The following TAB2 variants were observed in gnomAD, a reference collection of about 807,000 sequenced individuals.
The protein encoded by TAB2 is TGF-beta activated kinase 1 (MAP3K7) binding protein 2.
Under a neutral mutation model 65.0 loss-of-function variants are expected in TAB2, and 3 were observed. The observed-to-expected ratio is 0.05, with a 90% CI of 0.02 to 0.12. TAB2 has a LOEUF of 0.12. Ranked by LOEUF, TAB2 falls within the 10% of genes least tolerant of loss-of-function variation. The pLI is 1.00. For missense variants in TAB2, 623 were observed against 840.3 expected (o/e 0.74, Z 3.20); for synonymous variants, 298 against 285.1 (o/e 1.05, Z -0.46).
intron 3 of TAB2, among the ~76,000 whole-genome samples, chr6:149,390,247 T>C (rs907692018): frequency 3.3e-5 from 5 of 152,210 alleles, no homozygotes; most frequent in African/African-American, 7.2e-5. Context: ...GACTTAAGTA[T>C]GACTTAGGCT....
chr6:149,351,812 G>A (rs965169510), intron 1 of TAB2, among the ~76,000 whole-genome samples: 8 of 152,208 alleles, frequency 5.3e-5, no homozygotes, highest in African/African-American at 7.2e-5. Context: ...TATCATAATT[G>A]TCTCATCTAG....
At position 149,292,280 on chromosome 6, in the gene TAB2, T is replaced by C. The variant is rs141913250; in HGVS notation, c.-121+73504T>C. ...TTAGTACATATTTTACAACAAAAACTGACTCCCCTCATTTTCCAGTGACTT... is the reference window on the plus strand; with the variant it reads ...TTAGTACATATTTTACAACAAAAACCGACTCCCCTCATTTTCCAGTGACTT... On this transcript the variant is annotated intron_variant, in intron 1 of 1. Coordinates refer to the TAB2 transcript ENST00000606202. Among the ~76,000 whole-genome samples the C allele has an allele frequency of 3.2e-3, 481 of 152,328 alleles. 1 individual carries two copies. The highest frequency in any genetic ancestry group is 0.011 in the African/African-American group (469 of 41,578).
chr6:149,321,180 AT>A (rs1779445361), intron 1 of TAB2: 1 of 152,212 alleles, frequency 6.6e-6, no homozygotes, highest in South Asian at 2.1e-4. Context: ...GACACTCTAT[AT>A]ATGTCATCTT....
intron 1 of TAB2, among the ~76,000 whole-genome samples, chr6:149,360,626 G>A (rs1022484577): frequency 4.6e-5 from 7 of 152,022 alleles, no homozygotes; most frequent in Admixed American, 1.3e-4. Flanking sequence ...ATATTATTCC[G>A]CCCCTGCCTC....
chr6:149,373,153 G>A (rs1327315753), intron 2 of TAB2, among the ~76,000 whole-genome samples: 1 of 152,156 alleles, frequency 6.6e-6, no homozygotes, highest in Non-Finnish European at 1.5e-5. Flanking sequence ...ACCAGCAGGT[G>A]TAATTTATAT....
chr6:149,285,319 A>G (rs1189652773), intron 1 of TAB2, among the ~76,000 whole-genome samples: 1 of 152,210 alleles, frequency 6.6e-6, no homozygotes, highest in Non-Finnish European at 1.5e-5. Context: ...GCTAGAAGGC[A>G]CCAAAGACAA....
chr6:149,388,897 G>T (rs1009397950), intron 3 of TAB2, among the ~76,000 whole-genome samples: 1 of 149,374 alleles, frequency 6.7e-6, no homozygotes, highest in African/African-American at 2.5e-5. Flanking sequence ...TGGGTTTTGT[G>T]TCTTATTTAG....
chr6:149,379,409 A>G lies in TAB2; in HGVS notation c.1494A>G (p.Val498=), dbSNP rs769689700. 20 of 1,614,090 alleles carry G rather than the reference A, an allele frequency of 1.2e-5. No individual in the cohort carries two copies. In the South Asian group the frequency reaches 1.9e-4, roughly 15 times the overall value. ...TTCTTAATCATCCTGATCATTATGT[A>G]GAAACCGAGAATATTCAGCACCTCA... is the stretch of plus-strand genomic sequence containing the variant. ...TNLLNHPDHY[V]ETENIQHLTD... is the part of the protein sequence containing the mutation. The change falls in exon 3 of 7, where the codon GTA becomes GTG. Residue 498 remains valine, a synonymous_variant. Coordinates refer to ENST00000637181, the MANE Select transcript of TAB2 (RefSeq NM_001292034.3).
intron 1 of TAB2, among the ~76,000 whole-genome samples, chr6:149,303,906 C>G (rs187764679): frequency 6.6e-6 from 1 of 152,066 alleles, no homozygotes. Context: ...TTGAGGGAGG[C>G]GCAAAGCCAG....
intron 6 of TAB2, among the ~76,000 whole-genome samples, chr6:149,405,516 G>A (rs1782633809): frequency 6.6e-6 from 1 of 152,078 alleles, no homozygotes; most frequent in South Asian, 2.1e-4. Flanking sequence ...TTCTGTATAT[G>A]GATAAAGAAA....
intron 1 of TAB2, among the ~76,000 whole-genome samples, chr6:149,366,148 C>A (rs1781033007): frequency 6.6e-6 from 1 of 152,010 alleles, no homozygotes; most frequent in African/African-American, 2.4e-5. Context: ...TTATGTGTAA[C>A]AATTTTGGAT....
At chr6:149,316,901 G>A (rs1779267320), upstream of TAB2, among the ~76,000 whole-genome samples, 1 of 152,016 alleles carries the variant, frequency 6.6e-6, no homozygotes, top group South Asian at 2.1e-4. Context: ...GCACACCCTA[G>A]GGACGATTCT....
Position 149,242,624 on chromosome 6 carries a change from G to A in TAB2, c.-121+23848G>A, listed in dbSNP as rs552440983. Reference sequence around the variant, plus strand: ...AGAATGTATGGTTTAAGAGAATTTCGATGTGAGACACACACTTTTCTGGAA... The same window carrying A: ...AGAATGTATGGTTTAAGAGAATTTCAATGTGAGACACACACTTTTCTGGAA... On this transcript the variant is annotated intron_variant, in intron 1 of 1. Transcript: ENST00000606202. 3.9e-5 allele frequency among the ~76,000 whole-genome samples: 6 copies of A among 152,286 alleles called. No individual in the cohort carries two copies. The South Asian group carries it at 8.3e-4, about 21-fold the overall frequency.
upstream of TAB2, among the ~76,000 whole-genome samples, chr6:149,316,234 C>T (rs1249869747): frequency 1.3e-5 from 2 of 152,026 alleles, no homozygotes; most frequent in African/African-American, 4.8e-5. Flanking sequence ...AATTAAATTC[C>T]GATATTGTAA....
intron 1 of TAB2, among the ~76,000 whole-genome samples, chr6:149,234,881 A>AC (rs34278670): frequency 0.17 from 25,292 of 147,744 alleles, 2,410 homozygotes; most frequent in East Asian, 0.28. Flanking sequence ...AAAAAAAAAA[A>AC]CACACTCTTT....
At chr6:149,334,676 TAAA>T (rs944087167) in intron 1 of TAB2, among the ~76,000 whole-genome samples, 1 of 138,364 alleles carries the variant, frequency 7.2e-6, no homozygotes, top group African/African-American at 2.7e-5. Flanking sequence ...CCTTGTCTCT[TAAA>T]AAAAAAAAAA....
chr6:149,377,748 G>A (rs189963371), intron 2 of TAB2, among the ~76,000 whole-genome samples: 143 of 152,210 alleles, frequency 9.4e-4, no homozygotes, highest in South Asian at 3.5e-3. Flanking sequence ...ATATCTGTCT[G>A]AATCCATTTT....
intron 1 of TAB2, among the ~76,000 whole-genome samples, chr6:149,301,980 A>C (rs1778980134): frequency 6.6e-6 from 1 of 152,158 alleles, no homozygotes; most frequent in African/African-American, 2.4e-5. Context: ...AGTTATTATA[A>C]AATTAAGCCT....
At chr6:149,327,630 CAAAT>C (rs758422265) in intron 1 of TAB2, among the ~76,000 whole-genome samples, 10 of 152,172 alleles carry the variant, frequency 6.6e-5, no homozygotes, top group Admixed American at 2.0e-4. Context: ...GGATCCGTGT[CAAAT>C]AAAAGTTGCT....
Sources: allele counts gnomAD v4.1 joint callset (sites outside exome capture counted in the v4.1 genomes callset), GRCh38; gene constraint gnomAD v4.1.1; transcripts MANE v1.5; gene names NCBI Gene and HGNC (gene_info 2026-07-23, HGNC 2026-07-21).